ITSN1: variants seen among roughly 807,000 people sequenced by gnomAD.
The protein encoded by ITSN1 is intersectin 1, also known as intersectin-1.
Under a neutral mutation model 239.8 loss-of-function variants are expected in ITSN1, and 58 were observed. That is an observed-to-expected ratio of 0.24 (90% CI 0.20 to 0.30). The LOEUF (loss-of-function observed/expected upper bound fraction) is 0.30. ITSN1 is among the 10% of genes least tolerant of loss of function. The pLI is 1.00. For synonymous variants in ITSN1, 780 were observed against 770.8 expected (o/e 1.01, Z -0.20); for missense variants, 1,558 against 2,103.3 (o/e 0.74, Z 5.07).
intron 1 of ITSN1, among the ~76,000 whole-genome samples, chr21:33,701,978 G>T (rs1443975825): frequency 6.6e-6 from 1 of 152,146 alleles, no homozygotes; most frequent in East Asian, 1.9e-4. Context: ...TGAGGCAGGA[G>T]AAGTGCTTGA....
intron 31 of ITSN1, among the ~76,000 whole-genome samples, chr21:33,859,074 C>T (rs977487390): frequency 2.0e-5 from 3 of 152,306 alleles, no homozygotes; most frequent in Non-Finnish European, 2.9e-5. Flanking sequence ...GCTAGGGCGA[C>T]GCTGGCTCCT....
chr21:33,683,294 A>T (rs2091069588), intron 1 of ITSN1, among the ~76,000 whole-genome samples: 1 of 151,888 alleles, frequency 6.6e-6, no homozygotes. Context: ...TAATAAGTTG[A>T]TTTTAGTCCT....
rs1979157676 is a variant in ITSN1 at position 33,855,510 on chromosome 21, G to A, written c.3662-1226G>A. 2.0e-5 allele frequency among the ~76,000 whole-genome samples: 3 copies of A among 152,360 alleles called. No homozygotes were observed. The South Asian group carries it at 6.2e-4, about 32-fold the overall frequency. On this transcript the variant is annotated intron_variant, in intron 29 of 39. Transcript: ENST00000381318. ...TCTGTCTTCCAAGTCTGGCTTCTGT[G>A]ATTAAATAAAGAACCTCTGATAAAA...
intron 20 of ITSN1, among the ~76,000 whole-genome samples, chr21:33,804,086 G>A (rs995277466): frequency 4.6e-5 from 7 of 152,136 alleles, no homozygotes; most frequent in African/African-American, 1.7e-4. Flanking sequence ...CAACATTACT[G>A]TCAGTCTCCC....
intron 27 of ITSN1, among the ~76,000 whole-genome samples, chr21:33,833,057 T>G (rs2074387241): frequency 6.6e-6 from 1 of 151,934 alleles, no homozygotes; most frequent in Admixed American, 6.6e-5. Flanking sequence ...TAGTTTTGGG[T>G]TCTCTTTTCT....
At chr21:33,835,114 T>C (rs2074527521) in intron 28 of ITSN1, among the ~76,000 whole-genome samples, 1 of 152,228 alleles carries the variant, frequency 6.6e-6, no homozygotes, top group Non-Finnish European at 1.5e-5. Context: ...AAGTGTAGAA[T>C]TTTTGTTCCA....
In ITSN1 at chr21:33,888,166, A is replaced by G. The variant is rs1986081355; in HGVS notation, c.5032A>G (p.Thr1678Ala). 1 of 1,613,912 alleles carries G rather than the reference A, an allele frequency of 6.2e-7. No individual in the cohort carries two copies. The highest frequency in any genetic ancestry group is 2.2e-5 in the East Asian group (1 of 44,882). ...QFSPDDFLGR[T>A]EIRVADIKKD... is the part of the protein sequence containing the mutation. ...TCTCTTTTCAGATTTTTTGGGTCGG[A>G]CGGAGATCCGTGTGGCGGACATCAA... The change falls in exon 40 of 40, where the codon ACG becomes GCG. Residue 1678 changes from threonine (T) to alanine (A), a missense_variant. Transcript: ENST00000381318.
At chr21:33,681,591 A>G (rs2090956674) in intron 1 of ITSN1, among the ~76,000 whole-genome samples, 1 of 151,080 alleles carries the variant, frequency 6.6e-6, no homozygotes, top group Non-Finnish European at 1.5e-5. Context: ...ATGCTATTTG[A>G]TGCCTCCGCT....
intron 34 of ITSN1, among the ~76,000 whole-genome samples, chr21:33,876,267 T>C (rs1602686228): frequency 1.2e-5 from 1 of 81,410 alleles, no homozygotes. Flanking sequence ...CTTCCTCTCT[T>C]CTTTTTCTCT....
intron 8 of ITSN1, 99 bp downstream of exon 8, chr21:33,755,496 T>C (rs2067844513): frequency 1.5e-6 from 1 of 658,656 alleles, no homozygotes; most frequent in African/African-American, 1.8e-5. Flanking sequence ...TGTGTGCTTA[T>C]TTCTTGGCAG....
At chr21:33,770,611 T>A (rs888971034) in intron 11 of ITSN1, among the ~76,000 whole-genome samples, 1 of 152,194 alleles carries the variant, frequency 6.6e-6, no homozygotes, top group African/African-American at 2.4e-5. Context: ...TTTCTGATTC[T>A]TGGGATTTAC....
chr21:33,808,873 C>T (rs116006319), intron 20 of ITSN1, among the ~76,000 whole-genome samples: 2,156 of 152,292 alleles, frequency 0.014, 56 homozygotes, highest in African/African-American at 0.048. Context: ...TAACCCACTC[C>T]TGCCTGACAT....
chr21:33,703,083 C>CTGTGTG (rs10529613), intron 1 of ITSN1, among the ~76,000 whole-genome samples: 3,965 of 145,566 alleles, frequency 0.027, 112 homozygotes, highest in African/African-American at 0.069. Context: ...GAGACTCTGT[C>CTGTGTG]TGTGTGTGTG....
At chr21:33,820,664 A>C (rs541080720) in intron 24 of ITSN1, among the ~76,000 whole-genome samples, 1 of 152,342 alleles carries the variant, frequency 6.6e-6, no homozygotes, top group South Asian at 2.1e-4. Context: ...TATAGCTATA[A>C]AACCTTATCA....
intron 1 of ITSN1, among the ~76,000 whole-genome samples, chr21:33,681,960 G>T (rs1458970589): frequency 6.6e-6 from 1 of 151,518 alleles, no homozygotes. Context: ...GAACCACCGC[G>T]CCTGGCCTTG....
At chr21:33,792,858 C>T (rs1282523732) in intron 16 of ITSN1, among the ~76,000 whole-genome samples, 1 of 152,162 alleles carries the variant, frequency 6.6e-6, no homozygotes, top group East Asian at 1.9e-4. Context: ...AGGTTCCCTA[C>T]TGAAGCCCCT....
chr21:33,784,747 A>G (rs1295861079), intron 16 of ITSN1, among the ~76,000 whole-genome samples: 2 of 152,214 alleles, frequency 1.3e-5, no homozygotes, highest in Non-Finnish European at 2.9e-5. Flanking sequence ...TCACTTGCCC[A>G]CTTTTCTTTG....
intron 31 of ITSN1, 91 bp downstream of exon 31, chr21:33,858,883 C>A: frequency 1.6e-6 from 1 of 644,080 alleles, no homozygotes; most frequent in Non-Finnish European, 2.7e-6. Flanking sequence ...TTCTTGCATG[C>A]TGCCCTGTGC....
intron 14 of ITSN1, among the ~76,000 whole-genome samples, chr21:33,776,466 C>G (rs1194687281): frequency 1.4e-5 from 2 of 148,056 alleles, no homozygotes; most frequent in South Asian, 2.1e-4. Context: ...AGGAAGACCA[C>G]TTGAGCCCAC....
Sources: allele counts gnomAD v4.1 joint callset (sites outside exome capture counted in the v4.1 genomes callset), GRCh38; gene constraint gnomAD v4.1.1; transcripts MANE v1.5; gene names NCBI Gene and HGNC (gene_info 2026-07-23, HGNC 2026-07-21).